DAB2IP: variants seen among roughly 807,000 people sequenced by gnomAD.
DAB2IP encodes the protein disabled homolog 2-interacting protein.
In DAB2IP, 28 loss-of-function variants were observed where a neutral mutation model predicts 107.2. That is an observed-to-expected ratio of 0.26 (90% CI 0.19 to 0.36). The LOEUF (loss-of-function observed/expected upper bound fraction) is 0.36, where lower values mean the gene tolerates loss of function less well. Ranked by LOEUF, DAB2IP falls within the 10% of genes least tolerant of loss-of-function variation. The pLI is 1.00. For synonymous variants in DAB2IP, 755 were observed against 706.4 expected, an observed-to-expected ratio of 1.07 and a Z score of -1.09; for missense variants, 1,400 against 1,644.7, an observed-to-expected ratio of 0.85 and a Z score of 2.57.
intron 1 of DAB2IP, among the ~76,000 whole-genome samples, chr9:121,574,428 T>G (rs867604588): frequency 7.9e-5 from 12 of 152,228 alleles, no homozygotes; most frequent in African/African-American, 2.4e-4. Flanking sequence ...CCAGGCTGCC[T>G]GGGCCTCAGA....
intron 6 of DAB2IP, among the ~76,000 whole-genome samples, chr9:121,762,516 T>C (rs948966902): frequency 2.2e-4 from 33 of 152,214 alleles, no homozygotes; most frequent in African/African-American, 7.7e-4. Flanking sequence ...GCTGTCCCTC[T>C]GTGCCTCTGC....
At chr9:121,703,712 T>G (rs1829905725) in intron 3 of DAB2IP, among the ~76,000 whole-genome samples, 1 of 152,200 alleles carries the variant, frequency 6.6e-6, no homozygotes, top group African/African-American at 2.4e-5. Flanking sequence ...AAATAATGTG[T>G]GAAAGAGGTT....
Position 121,783,722 on chromosome 9 carries a change from CGGCCAAGGACCCA to C in DAB2IP, c.*1228_*1240del. On this transcript the variant is annotated 3_prime_UTR_variant, in exon 16 of 16. Transcript: ENST00000408936. ...CCTCCTCCTCACCCTTCCCGGCCCC[CGGCCAAGGACCCA>C]GGCGCTGCATACAGGGGAGGGGCGC... 4 of 861,424 alleles carry C rather than the reference CGGCCAAGGACCCA, an allele frequency of 4.6e-6. No individual in the cohort carries two copies. In the Admixed American group the frequency reaches 8.4e-5, roughly 18 times the overall value. The allele number at this position is 861,424 out of a possible 1,614,324, so 53.4% of individuals were successfully genotyped here.
exon 12 of DAB2IP, chr9:121,773,099 G>A: frequency 5.6e-6 from 9 of 1,612,530 alleles, no homozygotes; most frequent in Non-Finnish European, 7.6e-6. Flanking sequence ...ACAGCTCCCT[G>A]AGCTCACACA....
At chr9:121,602,982 G>A (rs1830739855) in intron 1 of DAB2IP, among the ~76,000 whole-genome samples, 1 of 152,202 alleles carries the variant, frequency 6.6e-6, no homozygotes. Context: ...TGCTGGGATT[G>A]TAGGCATGAG....
At chr9:121,603,920 A>C (rs1380086000) in intron 1 of DAB2IP, among the ~76,000 whole-genome samples, 1 of 152,110 alleles carries the variant, frequency 6.6e-6, no homozygotes, top group Non-Finnish European at 1.5e-5. Context: ...CATGGGAATT[A>C]CTATGAAAGG....
intron 1 of DAB2IP, among the ~76,000 whole-genome samples, chr9:121,615,441 T>C (rs990419287): frequency 1.3e-5 from 2 of 152,068 alleles, no homozygotes; most frequent in Non-Finnish European, 2.9e-5. Context: ...AGTTTGATGC[T>C]ATCTCCTCTT....
chr9:121,687,387 C>A (rs1449089979), intron 2 of DAB2IP, among the ~76,000 whole-genome samples: 3 of 152,120 alleles, frequency 2.0e-5, no homozygotes, highest in Non-Finnish European at 4.4e-5. Flanking sequence ...TGAGGTGGAC[C>A]AGCATGTGAT....
intron 1 of DAB2IP, among the ~76,000 whole-genome samples, chr9:121,608,986 G>A (rs577289283): frequency 1.4e-3 from 216 of 152,330 alleles, no homozygotes; most frequent in Middle Eastern, 3.4e-3. Context: ...CTGTCGCCCA[G>A]GCTAGAGTGC....
chr9:121,783,825 C>T (rs1214759166), exon 16 of DAB2IP: 4 of 531,936 alleles, frequency 7.5e-6, no homozygotes, highest in African/African-American at 3.8e-5. Context: ...GCCCCTCCCC[C>T]ACTTTCAAGA....
At chr9:121,711,485 C>G (rs964974150) in intron 3 of DAB2IP, among the ~76,000 whole-genome samples, 1 of 152,180 alleles carries the variant, frequency 6.6e-6, no homozygotes, top group Non-Finnish European at 1.5e-5. Context: ...TTGTTTAATC[C>G]AGGGTTTCCT....
intron 14 of DAB2IP, among the ~76,000 whole-genome samples, chr9:121,781,087 A>G (rs546219123): frequency 1.1e-3 from 175 of 152,234 alleles, no homozygotes; most frequent in Non-Finnish European, 2.0e-3. Flanking sequence ...GGCAGGGTGG[A>G]AAAAGTTCTA....
At chr9:121,785,307 C>G (rs530137796) in exon 16 of DAB2IP, 2 of 152,088 alleles carry the variant, frequency 1.3e-5, no homozygotes, top group African/African-American at 2.4e-5. Context: ...AGCCACAAAG[C>G]CCCCCAGCTC....
chr9:121,617,043 G>T (rs1399319425), intron 1 of DAB2IP, among the ~76,000 whole-genome samples: 2 of 152,142 alleles, frequency 1.3e-5, no homozygotes, highest in South Asian at 2.1e-4. Flanking sequence ...AATAAAAAGG[G>T]AGTAGGGTGG....
chr9:121,741,437 T>TGGCTTTA (rs1270233382), intron 3 of DAB2IP, among the ~76,000 whole-genome samples: 1 of 152,194 alleles, frequency 6.6e-6, no homozygotes, highest in Non-Finnish European at 1.5e-5. Context: ...ACAGCCTGTG[T>TGGCTTTA]GGCTTTAGGC....
intron 8 of DAB2IP, among the ~76,000 whole-genome samples, chr9:121,765,152 C>T (rs902619784): frequency 6.6e-6 from 1 of 152,186 alleles, no homozygotes; most frequent in Non-Finnish European, 1.5e-5. Context: ...GACTGTAGGG[C>T]CTTGAACTCT....
rs531998674 is a variant in DAB2IP, at chr9:121,596,529, C to T, written c.40+29301C>T. ...GCCTCTGTCTCAAAACAAAACAAAA[C>T]TATATGAATGATATTATAGAAATTT... On this transcript the variant is annotated intron_variant, in intron 1 of 16. Transcript: ENST00000259371. Among the ~76,000 whole-genome samples, 5 of 152,226 alleles carry T rather than the reference C, an allele frequency of 3.3e-5. No individual in the cohort carries two copies. In the South Asian group the frequency reaches 1.0e-3, roughly 32 times the overall value.
At chr9:121,758,651 G>C (rs1019800193) in intron 4 of DAB2IP, among the ~76,000 whole-genome samples, 3 of 152,206 alleles carry the variant, frequency 2.0e-5, no homozygotes, top group African/African-American at 7.2e-5. Flanking sequence ...GGACGAGTGA[G>C]GAGCCTGCTC....
At chr9:121,697,146 G>A (rs1829468285) in intron 2 of DAB2IP, among the ~76,000 whole-genome samples, 1 of 152,124 alleles carries the variant, frequency 6.6e-6, no homozygotes, top group Non-Finnish European at 1.5e-5. Context: ...GGTGGAGTGG[G>A]GAAGAGGAAG....
Sources: allele counts gnomAD v4.1 joint callset (sites outside exome capture counted in the v4.1 genomes callset), GRCh38; gene constraint gnomAD v4.1.1; transcripts MANE v1.5; gene names NCBI Gene and HGNC (gene_info 2026-07-23, HGNC 2026-07-21).